The following POLB variants were observed in gnomAD, a reference collection of about 807,000 sequenced individuals.
POLB encodes 5'-dRP lyase.
Under a neutral mutation model 52.7 loss-of-function variants are expected in POLB, and 37 were observed. The observed-to-expected ratio is 0.70, with a 90% CI of 0.54 to 0.92. The LOEUF is 0.92. POLB is among the 40% of genes least tolerant of loss of function. The pLI, the probability that POLB is intolerant of heterozygous loss-of-function variation, is 0.00. For missense variants in POLB, 313 were observed against 400.8 expected (o/e 0.78, Z 1.87); for synonymous variants, 138 against 131.3 (o/e 1.05, Z -0.35).
At chr8:42,340,238 C>G (rs1822117228) in intron 2 of POLB, 2 of 152,178 alleles carry the variant, frequency 1.3e-5, no homozygotes, top group Non-Finnish European at 2.9e-5. Context: ...CATCCCTAAT[C>G]TGAAAATTTG....
chr8:42,341,126 C>A (rs1381594043), intron 2 of POLB, among the ~76,000 whole-genome samples: 3 of 152,226 alleles, frequency 2.0e-5, no homozygotes, highest in Admixed American at 6.5e-5. Context: ...CTCCTCCCTA[C>A]CCCAGTAGAC....
chr8:42,352,391 A>G (rs1823029900), intron 5 of POLB, 128 bp from the exon 6 acceptor site: 1 of 707,304 alleles, frequency 1.4e-6, no homozygotes, highest in African/African-American at 1.8e-5. Context: ...GAACATTACC[A>G]AAGTAGCCAT....
At chr8:42,349,129 C>T (rs1306055417) in intron 4 of POLB, 39 bp downstream of exon 4, 8 of 1,156,102 alleles carry the variant, frequency 6.9e-6, no homozygotes, top group Non-Finnish European at 7.8e-6. Context: ...ATTATAGTAT[C>T]TGCCTTTATG....
intron 9 of POLB, chr8:42,358,043 A>G (rs576055140): frequency 6.6e-6 from 1 of 152,272 alleles, no homozygotes; most frequent in African/African-American, 2.4e-5. Context: ...TTTCTATAAG[A>G]GAGCTAAGAA....
In POLB at chr8:42,369,401, G is replaced by C. The variant is rs2085074740; in HGVS notation, c.773+66G>C. 4 of 919,590 alleles carry C rather than the reference G, an allele frequency of 4.3e-6. No individual in the cohort carries two copies. The African/African-American group carries it at 6.6e-5, about 15-fold the overall frequency. 57.0% of individuals were successfully genotyped at this position (919,590 alleles called of 1,614,324 possible). A position where few individuals can be genotyped will look rare whatever the true frequency, so the allele number is the denominator to read the frequency against. ...AACTTGTCTCGTTTTCTCCCTCCCT[G>C]TTTGTATCTTGGAGTTCACATTCAT... is the stretch of plus-strand genomic sequence containing the variant. On this transcript the variant is annotated intron_variant, in intron 12 of 13. Transcript: ENST00000265421.
intron 3 of POLB, among the ~76,000 whole-genome samples, chr8:42,346,026 A>T (rs988194764): frequency 1.3e-5 from 2 of 152,070 alleles, no homozygotes; most frequent in Non-Finnish European, 2.9e-5. Context: ...GGTTCAGGTG[A>T]TTCTCCTGCC....
chr8:42,349,883 TGG>T, intron 4 of POLB, 122 bp from the exon 5 acceptor site: 1 of 678,624 alleles, frequency 1.5e-6, no homozygotes, highest in South Asian at 1.7e-5. Flanking sequence ...TAATTTTGTG[TGG>T]GTCACCCAGG....
At chr8:42,361,553 A>C (rs1823689754) in intron 10 of POLB, 188 bp downstream of exon 10, 2 of 581,718 alleles carry the variant, frequency 3.4e-6, no homozygotes, top group Non-Finnish European at 6.1e-6. Flanking sequence ...TTCTTCCATG[A>C]GTTGCTGGGA....
At chr8:42,342,465 G>C (rs1822265379) in intron 2 of POLB, 2 of 1,177,580 alleles carry the variant, frequency 1.7e-6, no homozygotes, top group Admixed American at 3.4e-5. Flanking sequence ...TGATATCTCT[G>C]TTTGTTATAT....
At chr8:42,371,236 G>C (rs561904568) in intron 13 of POLB, among the ~76,000 whole-genome samples, 21 of 152,248 alleles carry the variant, frequency 1.4e-4, no homozygotes, top group South Asian at 4.1e-4. Flanking sequence ...CGATTCTCCT[G>C]CCTCAACCTC....
intron 3 of POLB, 147 bp downstream of exon 3, chr8:42,345,166 T>C: frequency 1.6e-6 from 1 of 612,840 alleles, no homozygotes. Flanking sequence ...ACATTCATGC[T>C]GTTTCATACA....
chr8:42,364,611 CG>C (rs1296562783), intron 11 of POLB, among the ~76,000 whole-genome samples: 1 of 152,084 alleles, frequency 6.6e-6, no homozygotes, highest in African/African-American at 2.4e-5. Flanking sequence ...CCACTTTTCC[CG>C]GGTGATATGA....
Position 42,343,345 on chromosome 8 carries a change from A to AAT in POLB, c.120-1584_120-1583dup, listed in dbSNP as rs1554531634. ...TCAAAAAAAAAAAAAAAAAAAAAAAAATATATATATATATATATATATATA... is the reference window on the plus strand; with the variant it reads ...TCAAAAAAAAAAAAAAAAAAAAAAAAATATATATATATATATATATATATATA... On this transcript the variant is annotated intron_variant, in intron 2 of 13. Coordinates refer to ENST00000265421, the MANE Select transcript of POLB (RefSeq NM_002690.3). Among the ~76,000 whole-genome samples the AAT allele has an allele frequency of 7.3e-4, 24 of 33,064 alleles. 2 individuals carry two copies. Among genetic ancestry groups the AAT allele is most frequent in the Admixed American group, 1.6e-3 (2 of 1,240 alleles). 21.7% of individuals were successfully genotyped at this position (33,064 alleles called of 152,430 possible).
At chr8:42,355,880 C>T (rs1195930699) in intron 7 of POLB, among the ~76,000 whole-genome samples, 1 of 152,078 alleles carries the variant, frequency 6.6e-6, no homozygotes, top group Non-Finnish European at 1.5e-5. Flanking sequence ...TCACATTGTA[C>T]AAAGCACTAC....
chr8:42,357,085 G>A, intron 7 of POLB, 84 bp from the exon 8 acceptor site: 2 of 757,798 alleles, frequency 2.6e-6, no homozygotes, highest in Non-Finnish European at 4.6e-6. Flanking sequence ...GTATGGCACG[G>A]ACAATTGTTA....
chr8:42,369,110 G>T, intron 11 of POLB, 161 bp from the exon 12 acceptor site: 2 of 507,326 alleles, frequency 3.9e-6, no homozygotes, highest in South Asian at 3.1e-5. Flanking sequence ...GTAATAGAAA[G>T]GTAGGGATAG....
intron 11 of POLB, among the ~76,000 whole-genome samples, chr8:42,367,703 C>T (rs1257587023): frequency 6.6e-6 from 1 of 152,070 alleles, no homozygotes; most frequent in East Asian, 1.9e-4. Context: ...AGTAATCAAA[C>T]CTTAGGAAAG....
At chr8:42,350,872 AT>A (rs34783985) in intron 5 of POLB, among the ~76,000 whole-genome samples, 128,607 of 148,132 alleles carry the variant, frequency 0.87, 57,075 homozygotes, top group East Asian at 0.99. Flanking sequence ...AATTACAAAA[AT>A]TTTTTTTTTT....
At chr8:42,355,294 T>G (rs569156049) in intron 6 of POLB, among the ~76,000 whole-genome samples, 1 of 152,296 alleles carries the variant, frequency 6.6e-6, no homozygotes, top group South Asian at 2.1e-4. Flanking sequence ...CGCCTCGGCC[T>G]CCCAAAGTGC....
Sources: gnomAD v4.1 joint callset for allele counts (sites outside exome capture counted in the v4.1 genomes callset) on GRCh38, gnomAD v4.1.1 for gene constraint, MANE v1.5 for transcripts, NCBI Gene and HGNC (gene_info 2026-07-23, HGNC 2026-07-21) for gene names.